Variants in CAPN12 observed in about 807,000 individuals in gnomAD.
The protein encoded by CAPN12 is calpain-12.
Under a neutral mutation model 95.0 loss-of-function variants are expected in CAPN12, and 107 were observed. The ratio of observed to expected loss-of-function variants is 1.13; its 90% CI spans 0.96 to 1.32. The LOEUF is 1.32. Ranked by LOEUF, CAPN12 falls within the 40% of genes most tolerant of loss-of-function variation. CAPN12 has a pLI of 0.00. For synonymous variants in CAPN12, 505 were observed against 415.5 expected (o/e 1.22, Z -2.62); for missense variants, 1,136 against 997.8 (o/e 1.14, Z -1.87).
chr19:38,736,613 C>A (rs62120076), intron 10 of CAPN12, 50 bp from the exon 11 acceptor site: 1 of 1,500,600 alleles, frequency 6.7e-7, no homozygotes, highest in South Asian at 1.3e-5. Flanking sequence ...AGGTGGCCGC[C>A]GCTCAGGGTC....
chr19:38,742,282 T>C (rs528916941), intron 3 of CAPN12, 128 bp downstream of exon 3: 73 of 758,382 alleles, frequency 9.6e-5, no homozygotes, highest in African/African-American at 7.3e-4. Flanking sequence ...TGAGCCGAGA[T>C]TGTGCCACTG....
chr19:38,737,318 C>G lies in CAPN12; in HGVS notation c.1200G>C (p.Glu400Asp), dbSNP rs773144636. The change falls in exon 10 of 21, where the codon GAG (glutamate) becomes GAC (aspartate). Residue 400 changes from glutamate (E) to aspartate (D), a missense_variant. Transcript: ENST00000328867. ...LEPDEEDDED[E>D]EGPWGGWGAA... Reference sequence around the variant, plus strand: ...CCCCCCAGCCCCCCCAGGGCCCTTCCTCATCCTCGTCATCCTCCTCATCAG... The same window carrying G: ...CCCCCCAGCCCCCCCAGGGCCCTTCGTCATCCTCGTCATCCTCCTCATCAG... 5.1e-6 allele frequency: 8 copies of G among 1,579,620 alleles called. No homozygotes were observed. The highest frequency in any genetic ancestry group is 6.9e-6 in the Non-Finnish European group (8 of 1,163,432).
Position 38,737,281 on chromosome 19 carries a change from GTGCCCCTGCA to G in CAPN12, c.1227_1236del (p.Ala410GlyfsTer26). On this transcript the variant is annotated frameshift_variant, in exon 10 of 21. Transcript: ENST00000328867. LOFTEE classifies it high-confidence loss of function. ...GTGCGGCCCCCCCGCGCTGGGCCCC[GTGCCCCTGCA>G]GCCCCCCAGCCCCCCCAGGGCCCTT... The G allele has an allele frequency of 1.7e-6, 1 of 585,790 alleles. No homozygotes were observed. Among genetic ancestry groups the G allele is most frequent in the Non-Finnish European group, 2.3e-6 (1 of 438,932 alleles). The allele number at this position is 585,790 out of a possible 1,614,324, so 36.3% of individuals were successfully genotyped here. A position where few individuals can be genotyped will look rare whatever the true frequency, so the allele number is the denominator to read the frequency against.
chr19:38,736,127 C>T lies in CAPN12; in HGVS notation c.1566G>A (p.Glu522=). Residue 522 remains glutamate, a synonymous_variant, in exon 12 of 21, where the codon GAG becomes GAA. Transcript: ENST00000328867. ...GGGCTCACACGGCCGTGTGGCGGCG[C>T]TCGGAGAAGACACGCAGAGTGAAGT... The part of the protein sequence containing the change: ...EADFTLRVFS[E]RRHTAVEIDD... 2 of 1,505,550 alleles carry T rather than the reference C, an allele frequency of 1.3e-6. No individual in the cohort carries two copies. The highest frequency in any genetic ancestry group is 8.8e-7 in the Non-Finnish European group (1 of 1,130,548). 93.3% of individuals were successfully genotyped at this position (1,505,550 alleles called of 1,614,324 possible).
chr19:38,735,478 C>G (rs201016156), intron 13 of CAPN12, 24 bp downstream of exon 13: 3 of 1,610,794 alleles, frequency 1.9e-6, no homozygotes, highest in African/African-American at 1.3e-5. Context: ...CGCCCCATGC[C>G]GCCCCTCCAG....
At chr19:38,738,895 G>A in intron 5 of CAPN12, 1 of 546,964 alleles carries the variant, frequency 1.8e-6, no homozygotes, top group African/African-American at 1.9e-5. Flanking sequence ...ACTTAGGGAG[G>A]TCGAGGTGGA....
At position 38,730,952 on chromosome 19, in the gene CAPN12, CCACCTGGCT is replaced by C. The variant is rs1969541030; in HGVS notation, c.2133+4_2133+12del. The C allele has an allele frequency of 6.4e-7, 1 of 1,550,450 alleles. No homozygotes were observed. Among genetic ancestry groups the C allele is most frequent in the African/African-American group, 1.4e-5 (1 of 73,044 alleles). On this transcript the variant is annotated splice_donor_5th_base_variant and intron_variant, in intron 20 of 20. Coordinates refer to ENST00000328867, the MANE Select transcript of CAPN12 (RefSeq NM_144691.4). ...CAGAGCCTGAGCCACCCTGTCCCTC[CCACCTGGCT>C]CACCTGTCTGTGGGTCAGGCAGATG...
intron 14 of CAPN12, 173 bp from the exon 15 acceptor site, chr19:38,735,043 T>A: frequency 1.6e-6 from 1 of 642,110 alleles, no homozygotes; most frequent in Non-Finnish European, 2.7e-6. Flanking sequence ...AGCACTGGGC[T>A]GTGGTTGCTG....
In CAPN12 at chr19:38,734,299, AG is replaced by A; in HGVS notation, c.1815+19del. On this transcript the variant is annotated intron_variant, in intron 16 of 20. Coordinates refer to ENST00000328867, the MANE Select transcript of CAPN12 (RefSeq NM_144691.4). ...CCCTTCCCCACTCCCTCCCTCACCC[AG>A]GCACTGCCCCCCATGTACCCCGAAA... 2.5e-6 allele frequency: 4 copies of A among 1,603,534 alleles called. No individual in the cohort carries two copies. The highest frequency in any genetic ancestry group is 3.4e-6 in the Non-Finnish European group (4 of 1,173,992).
Position 38,736,169 on chromosome 19 carries a change from G to C in CAPN12, c.1524C>G (p.His508Gln). The C allele has an allele frequency of 6.6e-7, 1 of 1,513,522 alleles. No homozygotes were observed. The highest frequency in any genetic ancestry group is 8.8e-7 in the Non-Finnish European group (1 of 1,134,600). 93.8% of individuals were successfully genotyped at this position (1,513,522 alleles called of 1,614,324 possible). Reference sequence around the variant, plus strand: ...GAGTGAAGTCAGCCTCGTCGCCGGCGTGGGCGGTGCTCGGCACCACCAGGT... The same window carrying C: ...GAGTGAAGTCAGCCTCGTCGCCGGCCTGGGCGGTGCTCGGCACCACCAGGT... ...GHYLVVPSTA[H>Q]AGDEADFTLR... The change falls in exon 12 of 21, where the codon CAC (histidine) becomes CAG (glutamine). Residue 508 changes from histidine to glutamine, a missense_variant. Coordinates refer to ENST00000328867, the MANE Select transcript of CAPN12 (RefSeq NM_144691.4).
chr19:38,738,874 G>T (rs1970380700), intron 5 of CAPN12: 1 of 579,200 alleles, frequency 1.7e-6, no homozygotes, highest in South Asian at 2.0e-5. Context: ...GCTCACGCCT[G>T]TAATCCCAGC....
chr19:38,737,298 CA>C lies in CAPN12; in HGVS notation c.1219del (p.Trp407GlyfsTer32). 6.4e-7 allele frequency: 1 copy of C among 1,550,400 alleles called. No individual in the cohort carries two copies. Among genetic ancestry groups the C allele is most frequent in the Non-Finnish European group, 8.7e-7 (1 of 1,147,366 alleles). On this transcript the variant is annotated frameshift_variant, in exon 10 of 21. Transcript: ENST00000328867. LOFTEE classifies it high-confidence loss of function. ...TGGGCCCCGTGCCCCTGCAGCCCCC[CA>C]GCCCCCCCAGGGCCCTTCCTCATCC... Reference protein sequence around the residue: ...DEDEEGPWGGWGAAGARGPAR... With the variant: ...DEDEEGPWGGXGAAGARGPAR...
chr19:38,735,583 GCCCC>G, intron 12 of CAPN12, 39 bp from the exon 13 acceptor site: 5 of 1,599,344 alleles, frequency 3.1e-6, no homozygotes, highest in Non-Finnish European at 4.3e-6. Context: ...GGGGCTGTTT[GCCCC>G]AGCTGGGGCT....
chr19:38,733,968 C>T (rs1280584173), intron 17 of CAPN12, 174 bp downstream of exon 17: 7 of 809,894 alleles, frequency 8.6e-6, no homozygotes, highest in Non-Finnish European at 1.4e-5. Flanking sequence ...GAGCAATGAC[C>T]CAGAGGACAA....
In CAPN12 at chr19:38,733,741, A is replaced by G. The variant is rs1404069146; in HGVS notation, c.1919T>C (p.Met640Thr). 1 of 1,613,558 alleles carries G rather than the reference A, an allele frequency of 6.2e-7. No individual in the cohort carries two copies. The highest frequency in any genetic ancestry group is 8.5e-7 in the Non-Finnish European group (1 of 1,179,976). The change falls in exon 18 of 21, where the codon ATG (methionine) becomes ACG (threonine). Residue 640 changes from methionine to threonine, a missense_variant. Transcript: ENST00000328867. ...NKFDEDTSGTMNSYELRLALN... is the reference protein window; with the variant it reads ...NKFDEDTSGTTNSYELRLALN... ...TGCCAGCCTCAGCTCGTAGGAGTTC[A>G]TGGTTCCAGAGGTGTCCTCATCGAA...
chr19:38,736,888 T>TTAGCTCCCTCTCCC, intron 10 of CAPN12: 1 of 351,360 alleles, frequency 2.8e-6, no homozygotes, highest in Non-Finnish European at 5.3e-6. Context: ...CCCTCTCCCC[T>TTAGCTCCCTCTCCC]CTGAGACCTG....
At chr19:38,738,552 C>T (rs1970359433) in intron 6 of CAPN12, 22 bp downstream of exon 6, 1 of 1,613,772 alleles carries the variant, frequency 6.2e-7, no homozygotes, top group African/African-American at 1.3e-5. Context: ...GGCCTGCCAC[C>T]CCACCCATGG....
chr19:38,738,193 CCTT>C lies in CAPN12; in HGVS notation c.965+77_965+79del. On this transcript the variant is annotated intron_variant, in intron 8 of 20. Coordinates refer to ENST00000328867, the MANE Select transcript of CAPN12 (RefSeq NM_144691.4). ...ACAGTTTCTCCCTATTAGGACCCATCCTTCAACTGGGGCTCGCCCTCCCTGAAC... is the reference window on the plus strand; with the variant it reads ...ACAGTTTCTCCCTATTAGGACCCATCCAACTGGGGCTCGCCCTCCCTGAAC... 3 of 1,451,750 alleles carry C rather than the reference CCTT, an allele frequency of 2.1e-6. No homozygotes were observed. In the Admixed American group the frequency reaches 5.3e-5, roughly 26 times the overall value. The allele number at this position is 1,451,750 out of a possible 1,614,324, so 89.9% of individuals were successfully genotyped here. A position where few individuals can be genotyped will look rare whatever the true frequency, so the allele number is the denominator to read the frequency against.
At chr19:38,734,636 C>T in intron 15 of CAPN12, 177 bp downstream of exon 15, 2 of 671,888 alleles carry the variant, frequency 3.0e-6, no homozygotes, top group Non-Finnish European at 4.9e-6. Context: ...CAGCCGTGGC[C>T]CAGGTCACGG....
Sources: gnomAD v4.1 joint callset for allele counts on GRCh38, gnomAD v4.1.1 for gene constraint, MANE v1.5 for transcripts, NCBI Gene and HGNC (gene_info 2026-07-23, HGNC 2026-07-21) for gene names.